Variants in ZNF607 observed in about 807,000 individuals in gnomAD.
ZNF607 encodes the protein zinc finger protein 607.
A neutral mutation model predicts 12.8 loss-of-function variants in ZNF607; 5 were observed. The ratio of observed to expected loss-of-function variants is 0.39; its 90% CI spans 0.20 to 0.82. The LOEUF (loss-of-function observed/expected upper bound fraction) is 0.82. Ranked by LOEUF, ZNF607 falls within the 40% of genes least tolerant of loss-of-function variation. The pLI is 0.39. For missense variants in ZNF607, 851 were observed against 859.2 expected (o/e 0.99, Z 0.12); for synonymous variants, 287 against 276.2 (o/e 1.04, Z -0.39).
chr19:37,699,283 C>T lies in ZNF607; in HGVS notation c.848G>A (p.Cys283Tyr), dbSNP rs1345145717. Residue 283 changes from cysteine to tyrosine, a missense_variant, in exon 5 of 5, where the codon TGT (cysteine) becomes TAT (tyrosine). Physicochemically the swap from Cys to Tyr is radical, Grantham distance 194. Coordinates refer to ENST00000355202, the MANE Select transcript of ZNF607 (RefSeq NM_032689.5). ...SIHTGEKPHE[C>Y]KECGKAFRQF... ...ACGAAAGGCCTTTCCACATTCCTTACATTCATGTGGCTTCTCTCCAGTATG... is the reference window on the plus strand; with the variant it reads ...ACGAAAGGCCTTTCCACATTCCTTATATTCATGTGGCTTCTCTCCAGTATG... The T allele has an allele frequency of 6.2e-7, 1 of 1,614,070 alleles. No homozygotes were observed. Among genetic ancestry groups the T allele is most frequent in the East Asian group, 2.2e-5 (1 of 44,850 alleles).
chr19:37,700,042 GTT>G (rs2045026108), intron 4 of ZNF607, 147 bp from the exon 5 acceptor site: 1 of 740,734 alleles, frequency 1.4e-6, no homozygotes, highest in South Asian at 2.1e-5. Context: ...AAAAAAATGA[GTT>G]TGTGCAGTGG....
chr19:37,708,016 A>T lies in ZNF607; in HGVS notation c.137-4T>A. The T allele has an allele frequency of 6.2e-7, 1 of 1,602,234 alleles. No individual in the cohort carries two copies. Among genetic ancestry groups the T allele is most frequent in the Non-Finnish European group, 8.5e-7 (1 of 1,176,534 alleles). On this transcript the variant is annotated splice_region_variant and splice_polypyrimidine_tract_variant and intron_variant, in intron 3 of 4. Transcript: ENST00000355202. Reference sequence around the variant, plus strand: ...GGCTTAGATACGGAATGTCCTGCTTACAAAGAAAAGAAGTGCCACAAAATA... The same window carrying T: ...GGCTTAGATACGGAATGTCCTGCTTTCAAAGAAAAGAAGTGCCACAAAATA...
rs886553769 is a variant in ZNF607, at chr19:37,697,673, A to G, written c.*367T>C. 1 of 312,372 alleles carries G rather than the reference A, an allele frequency of 3.2e-6. No homozygotes were observed. The highest frequency in any genetic ancestry group is 2.2e-5 in the African/African-American group (1 of 46,248). The allele number at this position is 312,372 out of a possible 1,614,324, so 19.4% of individuals were successfully genotyped here. ...GTAATGGCTTTTTCCAGGTTTAACA[A>G]TAAATGATTGTTGCTGGAAGATGTT... On this transcript the variant is annotated 3_prime_UTR_variant, in exon 5 of 5. Transcript: ENST00000355202.
At chr19:37,712,057 A>G (rs570533944) in intron 1 of ZNF607, among the ~76,000 whole-genome samples, 53 of 152,356 alleles carry the variant, frequency 3.5e-4, no homozygotes, top group Admixed American at 7.8e-4. Context: ...AACAGGGAAC[A>G]TCATCCATAC....
At chr19:37,714,563 C>CA (rs56081124) in intron 1 of ZNF607, among the ~76,000 whole-genome samples, 9,649 of 108,068 alleles carry the variant, frequency 0.089, 440 homozygotes, top group Non-Finnish European at 0.12. Flanking sequence ...GACCCCATCT[C>CA]AAAAAAAAAA....
At chr19:37,709,547 A>G in intron 3 of ZNF607, 149 bp downstream of exon 3, 1 of 805,734 alleles carries the variant, frequency 1.2e-6, no homozygotes, top group Non-Finnish European at 1.8e-6. Context: ...GCCATTACTG[A>G]CTCAAAGCTG....
chr19:37,705,831 C>T (rs781269647), intron 4 of ZNF607, among the ~76,000 whole-genome samples: 2 of 152,062 alleles, frequency 1.3e-5, no homozygotes, highest in Non-Finnish European at 2.9e-5. Context: ...CTCCCCCACC[C>T]CTGCTCCCTT....
Position 37,696,854 on chromosome 19 carries a change from C to T in ZNF607, c.*1186G>A. On this transcript the variant is annotated 3_prime_UTR_variant, in exon 5 of 5. Transcript: ENST00000355202. ...CTGGCGCTCTCTGCTTCCTGGGGGGCCACCTGTCTGTTAACTCCTTCAAGA... is the reference window on the plus strand; with the variant it reads ...CTGGCGCTCTCTGCTTCCTGGGGGGTCACCTGTCTGTTAACTCCTTCAAGA... 1 of 800,166 alleles carries T rather than the reference C, an allele frequency of 1.2e-6. No homozygotes were observed. Among genetic ancestry groups the T allele is most frequent in the South Asian group, 1.5e-5 (1 of 67,258 alleles). The allele number at this position is 800,166 out of a possible 1,614,324, so 49.6% of individuals were successfully genotyped here.
Position 37,698,880 on chromosome 19 carries a change from AC to A in ZNF607, c.1250del (p.Gly417ValfsTer108). The A allele has an allele frequency of 1.9e-6, 3 of 1,613,802 alleles. No homozygotes were observed. The highest frequency in any genetic ancestry group is 2.5e-6 in the Non-Finnish European group (3 of 1,179,930). ...ATTCCTTACATTTGTAGGGTTTCTCACCGGTATGAATATTTTGATGTATTTT... is the reference window on the plus strand; with the variant it reads ...ATTCCTTACATTTGTAGGGTTTCTCACGGTATGAATATTTTGATGTATTTT... ...SLKIHQNIHT[G>X]EKPYKCKECG... On this transcript the variant is annotated frameshift_variant, in exon 5 of 5. Transcript: ENST00000355202. LOFTEE classifies it low-confidence loss of function (END_TRUNC).
In ZNF607 at chr19:37,719,354, C is replaced by G. The variant is rs1212771019; in HGVS notation, c.-160G>C. ...GCGGTCTCTCACGCTCCCCGCCTGT[C>G]TCCTAGAGACGGGCCCCTCCTCCGC... is the stretch of plus-strand genomic sequence containing the variant. On this transcript the variant is annotated 5_prime_UTR_variant, in exon 1 of 5. Transcript: ENST00000355202. 1 of 152,990 alleles carries G rather than the reference C, an allele frequency of 6.5e-6. No homozygotes were observed. The highest frequency in any genetic ancestry group is 6.5e-5 in the Admixed American group (1 of 15,296). The allele number at this position is 152,990 out of a possible 1,614,324, so 9.5% of individuals were successfully genotyped here. A position where few individuals can be genotyped will look rare whatever the true frequency, so the allele number is the denominator to read the frequency against.
chr19:37,709,130 T>A (rs745541370), intron 3 of ZNF607, among the ~76,000 whole-genome samples: 1 of 152,232 alleles, frequency 6.6e-6, no homozygotes. Context: ...CCATTTTACA[T>A]GTGATTTTCA....
rs753792754 is a variant in ZNF607 at position 37,699,792 on chromosome 19, T to C, written c.339A>G (p.Pro113=). The stretch of plus-strand genomic sequence containing the variant: ...ACTTCTGACATTGCTTACACTCATA[T>C]GGTTTCTGTCCATTATGAATTCTCT... ...LHQRIHNGQK[P]YECKQCQKSF... is the part of the protein sequence containing the mutation. Residue 113 remains proline, a synonymous_variant, in exon 5 of 5, where the codon CCA becomes CCG. Coordinates refer to ENST00000355202, the MANE Select transcript of ZNF607 (RefSeq NM_032689.5). The C allele has an allele frequency of 8.1e-6, 13 of 1,614,002 alleles. No individual in the cohort carries two copies. The highest frequency in any genetic ancestry group is 6.6e-5 in the South Asian group (6 of 91,084).
chr19:37,697,131 G>A lies in ZNF607; in HGVS notation c.*909C>T. On this transcript the variant is annotated 3_prime_UTR_variant, in exon 5 of 5. Transcript: ENST00000355202. ...GATGGGCCGGAAGAGGATGCACAGT[G>A]TGATGTTGACATTCTGTAAATCTTT... 2 of 747,076 alleles carry A rather than the reference G, an allele frequency of 2.7e-6. No individual in the cohort carries two copies. Among genetic ancestry groups the A allele is most frequent in the Admixed American group, 1.8e-5 (1 of 56,994 alleles). 46.3% of individuals were successfully genotyped at this position (747,076 alleles called of 1,614,324 possible). A position where few individuals can be genotyped will look rare whatever the true frequency, so the allele number is the denominator to read the frequency against.
chr19:37,702,287 C>CAAAAAAAAA (rs10714690), intron 4 of ZNF607, among the ~76,000 whole-genome samples: 2 of 73,598 alleles, frequency 2.7e-5, no homozygotes, highest in African/African-American at 5.5e-5. Flanking sequence ...AACTCCATCT[C>CAAAAAAAAA]AAAAAAAAAA....
chr19:37,708,462 G>A (rs1240379666), intron 3 of ZNF607, among the ~76,000 whole-genome samples: 3 of 151,754 alleles, frequency 2.0e-5, no homozygotes, highest in African/African-American at 7.3e-5. Context: ...CCAAAGCACT[G>A]GGATTACAGG....
In ZNF607 at chr19:37,698,475, C is replaced by T; in HGVS notation, c.1656G>A (p.Gln552=). The change falls in exon 5 of 5, where the codon CAG becomes CAA. Residue 552 remains glutamine (Q), a synonymous_variant. Transcript: ENST00000355202. ...FRFISVLKAH[Q]NIHSAEKPYE... is the part of the protein sequence containing the mutation. ...AGGGTTTCTCAGCGCTATGAATATT[C>T]TGATGGGCTTTAAGTACAGAAATGA... 6.2e-7 allele frequency: 1 copy of T among 1,613,898 alleles called. No homozygotes were observed. Among genetic ancestry groups the T allele is most frequent in the Non-Finnish European group, 8.5e-7 (1 of 1,179,966 alleles).
intron 1 of ZNF607, among the ~76,000 whole-genome samples, chr19:37,717,872 CACCACTG>C (rs2045191911): frequency 6.6e-6 from 1 of 150,760 alleles, no homozygotes; most frequent in South Asian, 2.1e-4. Context: ...AACTGTGATC[CACCACTG>C]TAACTCTAAA....
intron 3 of ZNF607, among the ~76,000 whole-genome samples, chr19:37,708,844 C>CA (rs745832713): frequency 9.9e-4 from 110 of 111,330 alleles, no homozygotes; most frequent in South Asian, 5.1e-3. Context: ...GACTCTGTCT[C>CA]AAAAAAAAAA....
In ZNF607 at chr19:37,702,993, C is replaced by T. The variant is rs191854796; in HGVS notation, c.236-3098G>A. ...TTGAGATGGAGTTTCGCTCTTGTTG[C>T]CCAGGTTGGAGTGCAATGGTGTGAT... is the stretch of plus-strand genomic sequence containing the variant. On this transcript the variant is annotated intron_variant, in intron 4 of 4. Transcript: ENST00000355202. Among the ~76,000 whole-genome samples, 527 of 150,668 alleles carry T rather than the reference C, an allele frequency of 3.5e-3. 4 individuals carry two copies. The highest frequency in any genetic ancestry group is 0.012 in the African/African-American group (505 of 41,056).
Sources: allele counts gnomAD v4.1 joint callset (sites outside exome capture counted in the v4.1 genomes callset), GRCh38; gene constraint gnomAD v4.1.1; transcripts MANE v1.5; gene names NCBI Gene and HGNC (gene_info 2026-07-23, HGNC 2026-07-21).